Variants in HDAC4 observed in about 807,000 individuals in gnomAD.
The protein encoded by HDAC4 is histone deacetylase 4, also known as histone deacetylase A.
A neutral mutation model predicts 135.1 loss-of-function variants in HDAC4; 16 were observed. The observed-to-expected ratio is 0.12, with a 90% confidence interval of 0.08 to 0.18. The LOEUF (loss-of-function observed/expected upper bound fraction) is 0.18. Among genes scored for constraint, HDAC4 ranks in the 10% least tolerant of loss-of-function variants. The pLI is 1.00. For missense variants in HDAC4, 1,143 were observed against 1,511.8 expected (o/e 0.76, Z 4.05); for synonymous variants, 685 against 653.4 (o/e 1.05, Z -0.74).
At chr2:239,117,483 TGGGAGCCAGAAAA>T (rs2039239304) in intron 12 of HDAC4, among the ~76,000 whole-genome samples, 1 of 145,646 alleles carries the variant, frequency 6.9e-6, no homozygotes, top group Non-Finnish European at 1.5e-5. Flanking sequence ...CCATCACATC[TGGGAGCCAGAAAA>T]GGGATGAATG....
In HDAC4 at chr2:239,134,601, C is replaced by T. The variant is rs145474829; in HGVS notation, c.1021G>A (p.Ala341Thr). 103 of 1,614,046 alleles carry T rather than the reference C, an allele frequency of 6.4e-5. No individual in the cohort carries two copies. Among genetic ancestry groups the T allele is most frequent in the Admixed American group, 8.3e-5 (5 of 60,004 alleles). Reference protein sequence around the residue: ...HRLVAREGSAAPLPLYTSPSL... With the variant: ...HRLVAREGSATPLPLYTSPSL... ...GGCGATGTGTAGAGGGGAAGTGGAG[C>T]GGCCGAGCCTTCTCGTGCCACAAGT... The change falls in exon 10 of 27, where the codon GCT (alanine) becomes ACT (threonine). Residue 341 changes from alanine (A) to threonine (T), a missense_variant. Ala to Thr is a moderately conservative substitution (Grantham distance 58, BLOSUM62 0). Around this residue, in one of 9 missense-constraint regions of HDAC4, gnomAD observed 272 missense variants for 309.7 expected, o/e 0.88. Coordinates refer to ENST00000543185, the MANE Select transcript of HDAC4 (RefSeq NM_001378414.1).
chr2:239,369,013 A>C (rs1381162671), intron 1 of HDAC4, among the ~76,000 whole-genome samples: 1 of 150,570 alleles, frequency 6.6e-6, no homozygotes, highest in African/African-American at 2.4e-5. Context: ...GTGACACACC[A>C]CTCCCCTGGT....
intron 7 of HDAC4, among the ~76,000 whole-genome samples, chr2:239,147,221 C>T (rs1575186414): frequency 6.6e-6 from 1 of 152,320 alleles, no homozygotes; most frequent in African/African-American, 2.4e-5. Context: ...ACAGAGAAGC[C>T]CTAGGGGGCA....
At chr2:239,220,031 A>G (rs977367084) in intron 3 of HDAC4, among the ~76,000 whole-genome samples, 2 of 152,264 alleles carry the variant, frequency 1.3e-5, no homozygotes, top group Admixed American at 6.5e-5. Flanking sequence ...ACCTCTTATC[A>G]TTAAGCCATG....
At chr2:239,062,553 G>A (rs2032911001) in intron 24 of HDAC4, among the ~76,000 whole-genome samples, 1 of 152,268 alleles carries the variant, frequency 6.6e-6, no homozygotes, top group Non-Finnish European at 1.5e-5. Context: ...GCATCAGGAA[G>A]CAAGAACAGG....
In HDAC4 at chr2:239,089,991, G is replaced by A; in HGVS notation, c.2388+18C>T. 2 of 1,581,356 alleles carry A rather than the reference G, an allele frequency of 1.3e-6. No homozygotes were observed. The highest frequency in any genetic ancestry group is 1.7e-6 in the Non-Finnish European group (2 of 1,150,468). On this transcript the variant is annotated intron_variant, in intron 18 of 26. Transcript: ENST00000543185. ...GCAGGCCTCCTGGAGGGCCACCACTGTCCAGGCCCCGACTGACCTTCAGCT... is the reference window on the plus strand; with the variant it reads ...GCAGGCCTCCTGGAGGGCCACCACTATCCAGGCCCCGACTGACCTTCAGCT...
intron 3 of HDAC4, among the ~76,000 whole-genome samples, chr2:239,234,970 G>A (rs1455244777): frequency 2.0e-5 from 3 of 152,178 alleles, no homozygotes; most frequent in African/African-American, 7.2e-5. Flanking sequence ...ACAGAATTCA[G>A]TGTTTACACG....
intron 24 of HDAC4, among the ~76,000 whole-genome samples, chr2:239,056,366 G>C (rs2031844920): frequency 6.6e-6 from 1 of 152,222 alleles, no homozygotes; most frequent in Non-Finnish European, 1.5e-5. Context: ...GAAAATACAA[G>C]ACACGAGAGC....
At chr2:239,148,306 G>C (rs2041894976) in intron 7 of HDAC4, among the ~76,000 whole-genome samples, 1 of 152,118 alleles carries the variant, frequency 6.6e-6, no homozygotes, top group Admixed American at 6.6e-5. Flanking sequence ...TCAGAAGGGG[G>C]AATAAAAGGA....
intron 2 of HDAC4, among the ~76,000 whole-genome samples, chr2:239,271,762 G>A (rs1446400080): frequency 3.3e-5 from 5 of 152,186 alleles, no homozygotes; most frequent in Non-Finnish European, 7.3e-5. Context: ...CAGGATGTGT[G>A]TCCCACATTC....
rs368550279 is a variant in HDAC4, at chr2:239,088,698, CCG to C, written c.2389-1086_2389-1085del. Reference sequence around the variant, plus strand: ...AGTATTCAGACATTTTAGTAGATCTCCGCCCTCAAACACGTCCTTTTAACATC... The same window carrying C: ...AGTATTCAGACATTTTAGTAGATCTCCCCTCAAACACGTCCTTTTAACATC... On this transcript the variant is annotated intron_variant, in intron 18 of 26. Transcript: ENST00000543185. Among the ~76,000 whole-genome samples the C allele has an allele frequency of 8.8e-4, 134 of 152,294 alleles. 3 individuals are homozygous for C. In the South Asian group the frequency reaches 0.017, roughly 19 times the overall value.
intron 16 of HDAC4, among the ~76,000 whole-genome samples, chr2:239,097,603 G>A (rs1434389619): frequency 6.6e-6 from 1 of 152,256 alleles, no homozygotes; most frequent in East Asian, 1.9e-4. Flanking sequence ...GGCTGACCAT[G>A]CGGGGAAGCG....
chr2:239,216,799 G>GC (rs2046665096), intron 3 of HDAC4, among the ~76,000 whole-genome samples: 1 of 152,102 alleles, frequency 6.6e-6, no homozygotes, highest in African/African-American at 2.4e-5. Flanking sequence ...TGGGAGTCTG[G>GC]TGAGAAGGGG....
At chr2:239,226,714 G>C (rs1559252338) in intron 3 of HDAC4, among the ~76,000 whole-genome samples, 1 of 152,182 alleles carries the variant, frequency 6.6e-6, no homozygotes, top group Non-Finnish European at 1.5e-5. Flanking sequence ...TGTCCACCCA[G>C]GATGGAGAAA....
At chr2:239,170,850 C>G (rs1207348566) in intron 5 of HDAC4, among the ~76,000 whole-genome samples, 2 of 152,084 alleles carry the variant, frequency 1.3e-5, no homozygotes, top group African/African-American at 4.8e-5. Context: ...GATAGGGCCA[C>G]AAAAACTGAG....
intron 4 of HDAC4, among the ~76,000 whole-genome samples, chr2:239,177,440 C>T (rs868615590): frequency 4.6e-5 from 7 of 152,104 alleles, no homozygotes; most frequent in Admixed American, 2.0e-4. Context: ...AAAAAACTAA[C>T]GCACAAGGAT....
chr2:239,172,721 G>C (rs1448345554), intron 5 of HDAC4, among the ~76,000 whole-genome samples: 1 of 152,032 alleles, frequency 6.6e-6, no homozygotes, highest in African/African-American at 2.4e-5. Context: ...AAGAATAACT[G>C]ATAAACTTCT....
In HDAC4 at chr2:239,082,161, T is replaced by C. The variant is rs200846427; in HGVS notation, c.2593A>G (p.Met865Val). 3 of 1,614,024 alleles carry C rather than the reference T, an allele frequency of 1.9e-6. No homozygotes were observed. The highest frequency in any genetic ancestry group is 1.3e-5 in the African/African-American group (1 of 75,010). ...AFYSDPSVLYMSLHRYDDGNF... is the reference protein window; with the variant it reads ...AFYSDPSVLYVSLHRYDDGNF... ...CCATCGTCGTAGCGGTGGAGGGACATGTACAGGACGCTGGGGTCGCTGTAG... is the reference window on the plus strand; with the variant it reads ...CCATCGTCGTAGCGGTGGAGGGACACGTACAGGACGCTGGGGTCGCTGTAG... Residue 865 changes from methionine (M) to valine (V), a missense_variant, in exon 21 of 27, where the codon ATG (methionine) becomes GTG (valine). Physicochemically the swap from Met to Val is conservative, Grantham distance 21. This residue lies in a region of HDAC4 where 189 missense variants were observed against 317.6 expected (regional missense o/e 0.60). Transcript: ENST00000543185.
Position 239,278,892 on chromosome 2 carries a change from T to C in HDAC4, c.23-42228A>G, listed in dbSNP as rs570250974. ...AGCCAGGTGCAGTAGTGTGGACATG[T>C]AGTCCCAGCTACTCAGGAGGGCGCC... On this transcript the variant is annotated intron_variant, in intron 2 of 26. Coordinates refer to ENST00000543185, the MANE Select transcript of HDAC4 (RefSeq NM_001378414.1). Among the ~76,000 whole-genome samples the C allele has an allele frequency of 5.3e-5, 8 of 152,226 alleles. No individual in the cohort carries two copies. The South Asian group carries it at 1.7e-3, about 32-fold the overall frequency.
Sources: gnomAD v4.1 joint callset for allele counts (sites outside exome capture counted in the v4.1 genomes callset) on GRCh38, gnomAD v4.1.1 for gene constraint, gnomAD v4.1.1 regional missense constraint, MANE v1.5 for transcripts, NCBI Gene and HGNC (gene_info 2026-07-23, HGNC 2026-07-21) for gene names.